PRIM2: variants seen among roughly 807,000 people sequenced by gnomAD.
The protein encoded by PRIM2 is DNA primase subunit 2.
Under a neutral mutation model 67.3 loss-of-function variants are expected in PRIM2, and 39 were observed. That is an observed-to-expected ratio of 0.58 (90% CI 0.45 to 0.76). The LOEUF is 0.76. Ranked by LOEUF, PRIM2 falls within the 30% of genes least tolerant of loss-of-function variation. The probability of loss-of-function intolerance (pLI) is 0.00; values close to 1 mark genes in which losing one functional copy is unlikely to be tolerated. For synonymous variants in PRIM2, 143 were observed against 198.7 expected (o/e 0.72, Z 2.36); for missense variants, 398 against 598.7 (o/e 0.66, Z 3.50).
intron 10 of PRIM2, among the ~76,000 whole-genome samples, chr6:57,575,497 C>A (rs1775946965): frequency 6.6e-6 from 1 of 152,124 alleles, no homozygotes; most frequent in Non-Finnish European, 1.5e-5. Flanking sequence ...ATCAGCAGAC[C>A]TAGATTGGAG....
intron 7 of PRIM2, among the ~76,000 whole-genome samples, chr6:57,464,294 C>G (rs1773111996): frequency 6.6e-6 from 1 of 151,784 alleles, no homozygotes; most frequent in Non-Finnish European, 1.5e-5. Context: ...TCTTTTCCCC[C>G]CGAGATGGAG....
intron 7 of PRIM2, among the ~76,000 whole-genome samples, chr6:57,453,663 C>T (rs1262997360): frequency 6.6e-6 from 1 of 152,108 alleles, no homozygotes; most frequent in Non-Finnish European, 1.5e-5. Flanking sequence ...CCGAAGTTGC[C>T]TATCAGCTTA....
chr6:57,639,894 A>G (rs1215336104), intron 13 of PRIM2, among the ~76,000 whole-genome samples: 9 of 151,996 alleles, frequency 5.9e-5, no homozygotes, highest in Admixed American at 3.3e-4. Flanking sequence ...TGAGGCCAGC[A>G]TCATCCTGAT....
At chr6:57,601,583 A>G (rs1776468452) in intron 11 of PRIM2, among the ~76,000 whole-genome samples, 1 of 152,192 alleles carries the variant, frequency 6.6e-6, no homozygotes, top group East Asian at 1.9e-4. Context: ...CTAAGTTTGG[A>G]ATAGTAGATT....
the PRIM2 span, among the ~76,000 whole-genome samples, chr6:57,301,382 T>G: frequency 6.6e-6 from 1 of 151,898 alleles, no homozygotes; most frequent in Non-Finnish European, 1.5e-5. Flanking sequence ...AGCTACTCGG[T>G]AGGCTGCGGC....
chr6:57,374,857 ATT>A (rs1316064360), intron 5 of PRIM2, among the ~76,000 whole-genome samples: 2 of 152,224 alleles, frequency 1.3e-5, no homozygotes, highest in African/African-American at 4.8e-5. Context: ...AATTGCTGGT[ATT>A]ACAGGTATGA....
chr6:57,410,943 A>T (rs1417985879), intron 7 of PRIM2, among the ~76,000 whole-genome samples: 4 of 151,370 alleles, frequency 2.6e-5, no homozygotes, highest in African/African-American at 9.7e-5. Context: ...TTTGGTTATC[A>T]ATGTGATATA....
chr6:57,362,567 A>G (rs1473459920), intron 5 of PRIM2, among the ~76,000 whole-genome samples: 13 of 152,094 alleles, frequency 8.5e-5, no homozygotes, highest in Non-Finnish European at 1.6e-4. Context: ...CCTCTCTTTC[A>G]ATGATCTTGA....
chr6:57,353,201 T>C (rs1045598542), intron 5 of PRIM2, among the ~76,000 whole-genome samples: 4 of 151,070 alleles, frequency 2.6e-5, no homozygotes, highest in African/African-American at 7.3e-5. Context: ...TGGCTAATAT[T>C]TTCTGAGTTC....
intron 12 of PRIM2, among the ~76,000 whole-genome samples, chr6:57,617,551 ATCT>A (rs1776777356): frequency 3.3e-5 from 5 of 152,164 alleles, no homozygotes; most frequent in East Asian, 1.9e-4. Context: ...CCATTTGTAC[ATCT>A]TCTTTGAAGA....
chr6:57,499,999 G>C (rs1420435231), intron 7 of PRIM2, among the ~76,000 whole-genome samples: 2 of 147,876 alleles, frequency 1.4e-5, no homozygotes, highest in African/African-American at 5.1e-5. Flanking sequence ...CTCAAATTCA[G>C]CATGCCTAAA....
At chr6:57,396,940 G>A (rs1770535034) in intron 7 of PRIM2, among the ~76,000 whole-genome samples, 2 of 152,112 alleles carry the variant, frequency 1.3e-5, no homozygotes, top group South Asian at 2.1e-4. Context: ...AGTTTTTCTG[G>A]ATATAAAATT....
intron 5 of PRIM2, 69 bp downstream of exon 5, chr6:57,326,114 G>A: frequency 6.4e-7 from 1 of 1,552,604 alleles, no homozygotes; most frequent in Non-Finnish European, 8.8e-7. Context: ...CTTAAGTGCT[G>A]GTACTAATGT....
At chr6:57,615,887 C>T (rs1776748255) in intron 12 of PRIM2, among the ~76,000 whole-genome samples, 1 of 152,120 alleles carries the variant, frequency 6.6e-6, no homozygotes, top group Admixed American at 6.5e-5. Context: ...AAGACTCCAT[C>T]TCTCCAAAAA....
At chr6:57,432,091 A>G (rs1480914288) in intron 7 of PRIM2, among the ~76,000 whole-genome samples, 2 of 152,206 alleles carry the variant, frequency 1.3e-5, no homozygotes, top group East Asian at 1.9e-4. Flanking sequence ...GCCTTTTTAC[A>G]TATGAGATGA....
intron 7 of PRIM2, among the ~76,000 whole-genome samples, chr6:57,442,279 T>C (rs1228585378): frequency 6.6e-6 from 1 of 152,170 alleles, no homozygotes; most frequent in Non-Finnish European, 1.5e-5. Flanking sequence ...TTAGTAGAAC[T>C]GTGATCTAGT....
intron 10 of PRIM2, among the ~76,000 whole-genome samples, chr6:57,558,555 G>T (rs1269798161): frequency 6.6e-6 from 1 of 152,056 alleles, no homozygotes; most frequent in Non-Finnish European, 1.5e-5. Flanking sequence ...CTGAACCTTT[G>T]TAAAAGCTGA....
chr6:57,312,759 A>G (rs1466122648), upstream of PRIM2, among the ~76,000 whole-genome samples: 1 of 152,230 alleles, frequency 6.6e-6, no homozygotes, highest in Non-Finnish European at 1.5e-5. Flanking sequence ...CTTGTTAAAT[A>G]AATTCTTTGG....
At position 57,464,567 on chromosome 6, in the gene PRIM2, G is replaced by T. The variant is rs56225451; in HGVS notation, c.694-42820G>T. On this transcript the variant is annotated intron_variant, in intron 7 of 13. Transcript: ENST00000615550. ...TGAGATTACAGGCATGAGCCACCAC[G>T]CCCGGCCTCCCTTTTGTATTTCTGG... Among the ~76,000 whole-genome samples the T allele has an allele frequency of 4.2e-3, 631 of 152,048 alleles. 1 individual carries two copies. The highest frequency in any genetic ancestry group is 0.013 in the African/African-American group (542 of 41,472).
Sources: gnomAD v4.1 joint callset for allele counts (sites outside exome capture counted in the v4.1 genomes callset) on GRCh38, gnomAD v4.1.1 for gene constraint, MANE v1.5 for transcripts, NCBI Gene and HGNC (gene_info 2026-07-23, HGNC 2026-07-21) for gene names.